The following PRORP variants were observed in gnomAD, a reference collection of about 807,000 sequenced individuals.
The protein encoded by PRORP is protein only RNase P catalytic subunit, also known as mitochondrial ribonuclease P catalytic subunit.
Under a neutral mutation model 59.4 loss-of-function variants are expected in PRORP, and 51 were observed. The observed-to-expected ratio is 0.86, with a 90% confidence interval of 0.69 to 1.08. The LOEUF is 1.08. PRORP is among the 50% of genes least tolerant of loss of function. PRORP has a pLI of 0.00. For missense variants in PRORP, 646 were observed against 690.3 expected (o/e 0.94, Z 0.72); for synonymous variants, 231 against 245.6 (o/e 0.94, Z 0.55).
intron 5 of PRORP, among the ~76,000 whole-genome samples, chr14:35,223,330 T>C (rs2138453555): frequency 6.6e-6 from 1 of 152,216 alleles, no homozygotes; most frequent in South Asian, 2.1e-4. Context: ...TAATCTGTAT[T>C]AGGAAATCAT....
intron 4 of PRORP, among the ~76,000 whole-genome samples, chr14:35,150,933 G>A (rs1295519335): frequency 6.6e-6 from 1 of 152,188 alleles, no homozygotes; most frequent in African/African-American, 2.4e-5. Context: ...GACTTTTCTT[G>A]TGCTAAGGGC....
intron 5 of PRORP, among the ~76,000 whole-genome samples, chr14:35,245,994 A>G (rs1011694050): frequency 6.6e-6 from 1 of 152,208 alleles, no homozygotes; most frequent in African/African-American, 2.4e-5. Context: ...AATAGATCTC[A>G]GGTTAGAAAT....
At chr14:35,130,728 G>C (rs1236177043) in intron 4 of PRORP, among the ~76,000 whole-genome samples, 1 of 151,278 alleles carries the variant, frequency 6.6e-6, no homozygotes, top group African/African-American at 2.4e-5. Context: ...ACTTTATCCA[G>C]CTGCGTCGGC....
In PRORP at chr14:35,275,739, A is replaced by T. The variant is rs747279354; in HGVS notation, c.*2173A>T. The T allele has an allele frequency of 6.8e-6, 1 of 146,728 alleles. No individual in the cohort carries two copies. The highest frequency in any genetic ancestry group is 2.5e-5 in the African/African-American group (1 of 39,568). The allele number at this position is 146,728 out of a possible 1,614,324, so 9.1% of individuals were successfully genotyped here. ...CACTTTGGGAGGCCAAGACAGGAGG[A>T]TCACTTTAGGCCCAGAGTTGGAGAC... On this transcript the variant is annotated 3_prime_UTR_variant, in exon 8 of 8. Transcript: ENST00000534898.
intron 5 of PRORP, chr14:35,219,358 G>C (rs1299807374): frequency 6.6e-6 from 1 of 152,192 alleles, no homozygotes; most frequent in East Asian, 1.9e-4. Flanking sequence ...GCCTTCTGCT[G>C]CCTTCCTACT....
At chr14:35,154,567 A>G (rs1043226601) in intron 4 of PRORP, among the ~76,000 whole-genome samples, 9 of 152,190 alleles carry the variant, frequency 5.9e-5, no homozygotes, top group African/African-American at 2.2e-4. Context: ...TCAAGCATCT[A>G]GAGCTCACTA....
In PRORP at chr14:35,256,438, T is replaced by A. The variant is rs1405260820; in HGVS notation, c.1276-10289T>A. On this transcript the variant is annotated intron_variant, in intron 5 of 7. Coordinates refer to ENST00000534898, the MANE Select transcript of PRORP (RefSeq NM_014672.4). ...CCTCCGCCTCCTGGGCTTAAGCGAT[T>A]CTCCTGCCTCAGCCTCCTGAGCATC... Among the ~76,000 whole-genome samples the A allele has an allele frequency of 2.1e-5, 3 of 146,028 alleles. No homozygotes were observed. In the East Asian group the frequency reaches 6.3e-4, roughly 31 times the overall value.
At chr14:35,174,408 T>C (rs561520207) in intron 4 of PRORP, among the ~76,000 whole-genome samples, 42 of 152,274 alleles carry the variant, frequency 2.8e-4, no homozygotes, top group Admixed American at 2.6e-4. Context: ...TTAATATTAT[T>C]TACTTATTGA....
rs1446318406 is a variant in PRORP, at chr14:35,138,073, C to T, written c.1167+10462C>T. ...TAGAAGTCCAAGATCAAGGTGTTGT[C>T]AGCTTTGGTTTCTCTTGATCCCTCT... On this transcript the variant is annotated intron_variant, in intron 4 of 7. Coordinates refer to ENST00000534898, the MANE Select transcript of PRORP (RefSeq NM_014672.4). 1.4e-5 allele frequency among the ~76,000 whole-genome samples: 2 copies of T among 145,868 alleles called. 1 individual carries two copies. The highest frequency in any genetic ancestry group is 3.0e-5 in the Non-Finnish European group (2 of 65,602).
At chr14:35,146,074 G>A (rs992309864) in intron 4 of PRORP, among the ~76,000 whole-genome samples, 19 of 151,704 alleles carry the variant, frequency 1.3e-4, no homozygotes, top group Admixed American at 3.9e-4. Context: ...CAGGTGATCC[G>A]CCCGCCTCGG....
intron 5 of PRORP, among the ~76,000 whole-genome samples, chr14:35,259,235 A>T (rs1186373749): frequency 6.6e-6 from 1 of 152,210 alleles, no homozygotes; most frequent in Non-Finnish European, 1.5e-5. Context: ...TCTGCTCTGA[A>T]GTCTATTTTA....
intron 4 of PRORP, among the ~76,000 whole-genome samples, chr14:35,168,814 C>G (rs1327805948): frequency 1.3e-5 from 2 of 152,074 alleles, no homozygotes; most frequent in Non-Finnish European, 2.9e-5. Flanking sequence ...AAATTTATGC[C>G]TATTCTAATG....
At chr14:35,211,138 T>C (rs2049433356) in intron 5 of PRORP, among the ~76,000 whole-genome samples, 1 of 152,156 alleles carries the variant, frequency 6.6e-6, no homozygotes, top group Admixed American at 6.6e-5. Flanking sequence ...TACATCATAA[T>C]GAACAGTGAT....
intron 5 of PRORP, among the ~76,000 whole-genome samples, chr14:35,208,415 C>A (rs2049351266): frequency 6.6e-6 from 1 of 152,052 alleles, no homozygotes; most frequent in African/African-American, 2.4e-5. Flanking sequence ...GAAGCCCCAT[C>A]TCTAAAAGTA....
intron 5 of PRORP, chr14:35,235,756 G>C (rs975148726): frequency 4.7e-6 from 1 of 213,422 alleles, no homozygotes; most frequent in Non-Finnish European, 9.5e-6. Flanking sequence ...GCTGTTATTG[G>C]TATTACCTCC....
At chr14:35,230,050 C>CT (rs35309046) in intron 5 of PRORP, among the ~76,000 whole-genome samples, 8,614 of 109,134 alleles carry the variant, frequency 0.079, 407 homozygotes, top group Middle Eastern at 0.12. Flanking sequence ...ACTGTAAATT[C>CT]TTTTTTTTTT....
intron 4 of PRORP, among the ~76,000 whole-genome samples, chr14:35,162,313 T>C (rs1014633345): frequency 7.9e-5 from 12 of 152,154 alleles, no homozygotes; most frequent in African/African-American, 2.9e-4. Flanking sequence ...TAACAGTATA[T>C]ACTGTGATCA....
At chr14:35,166,288 CTATTT>C (rs1254101652) in intron 4 of PRORP, among the ~76,000 whole-genome samples, 1 of 151,560 alleles carries the variant, frequency 6.6e-6, no homozygotes, top group Non-Finnish European at 1.5e-5. Context: ...TTTTTCATTT[CTATTT>C]TATTTTTGGA....
rs904679428 is a variant in PRORP at position 35,141,786 on chromosome 14, G to A, written c.1167+14175G>A. ...AGCTGGAGTGCAGTGGCACAATCAC[G>A]GCTCACTGCAGCTGAGACCTCCTGG... On this transcript the variant is annotated intron_variant, in intron 4 of 7. Transcript: ENST00000534898. Among the ~76,000 whole-genome samples, 12 of 143,168 alleles carry A rather than the reference G, an allele frequency of 8.4e-5. 2 individuals are homozygous for A. The highest frequency in any genetic ancestry group is 2.2e-4 in the African/African-American group (9 of 40,540). The allele number at this position is 143,168 out of a possible 152,430, so 93.9% of individuals were successfully genotyped here. A position where few individuals can be genotyped will look rare whatever the true frequency, so the allele number is the denominator to read the frequency against.
Sources: gnomAD v4.1 joint callset for allele counts (sites outside exome capture counted in the v4.1 genomes callset) on GRCh38, gnomAD v4.1.1 for gene constraint, MANE v1.5 for transcripts, NCBI Gene and HGNC (gene_info 2026-07-23, HGNC 2026-07-21) for gene names.